Variants in FAT2 observed in about 807,000 individuals in gnomAD.
The protein encoded by FAT2 is protocadherin Fat 2.
A neutral mutation model predicts 295.3 loss-of-function variants in FAT2; 150 were observed. The ratio of observed to expected loss-of-function variants is 0.51; its 90% CI spans 0.44 to 0.58. FAT2 has a LOEUF of 0.58. Ranked by LOEUF, FAT2 falls within the 20% of genes least tolerant of loss-of-function variation. The probability of loss-of-function intolerance (pLI) is 0.00; values close to 1 mark genes in which losing one functional copy is unlikely to be tolerated. For missense variants in FAT2, 4,868 were observed against 5,442.7 expected, an observed-to-expected ratio of 0.89 and a Z score of 3.32; for synonymous variants, 2,026 against 2,150.3, an observed-to-expected ratio of 0.94 and a Z score of 1.60.
At position 151,568,933 on chromosome 5, in the gene FAT2, G is replaced by T; in HGVS notation, c.-2C>A. Reference sequence around the variant, plus strand: ...AAAACCCAGCAGGGCAATAGTCATGGTGGAAAACTCCCGAAACCCTGGGCA... The same window carrying T: ...AAAACCCAGCAGGGCAATAGTCATGTTGGAAAACTCCCGAAACCCTGGGCA... On this transcript the variant is annotated 5_prime_UTR_variant, in exon 2 of 24. Transcript: ENST00000261800. The T allele has an allele frequency of 1.9e-6, 3 of 1,589,516 alleles. No individual in the cohort carries two copies. Among genetic ancestry groups the T allele is most frequent in the Non-Finnish European group, 2.6e-6 (3 of 1,168,572 alleles).
chr5:151,510,988 A>G (rs1761276263), intron 21 of FAT2: 1 of 152,354 alleles, frequency 6.6e-6, no homozygotes, highest in East Asian at 1.9e-4. Flanking sequence ...TCCTAGCAGC[A>G]TGGCGGCCAC....
At chr5:151,518,450 A>G (rs926615667) in intron 19 of FAT2, among the ~76,000 whole-genome samples, 2 of 152,060 alleles carry the variant, frequency 1.3e-5, no homozygotes, top group Non-Finnish European at 2.9e-5. Context: ...TTTATTCTAC[A>G]TAGTTTCCAT....
intron 2 of FAT2, among the ~76,000 whole-genome samples, chr5:151,563,874 G>A (rs957623785): frequency 6.6e-6 from 1 of 152,178 alleles, no homozygotes; most frequent in Admixed American, 6.5e-5. Flanking sequence ...TAAAATGGAC[G>A]CATGCCTTTA....
At chr5:151,510,306 C>A in intron 21 of FAT2, 132 bp from the exon 22 acceptor site, 1 of 1,058,246 alleles carries the variant, frequency 9.4e-7, no homozygotes, top group Non-Finnish European at 1.4e-6. Context: ...CCTCTGTGCC[C>A]AATACCGTGC....
rs2127608671 is a variant in FAT2, at chr5:151,543,943, C to T, written c.7184G>A (p.Gly2395Glu). ...AGCCTGGACTTTAAGAACCAGGTGT[C>T]CACAGGTTGCCAGTTCACTGACATT... ...EANVSELATC[G>E]HLVLKVQAID... The change falls in exon 10 of 24, where the codon GGA becomes GAA. Residue 2395 changes from glycine to glutamate, a missense_variant. Gly to Glu is a moderately conservative substitution (Grantham distance 98). Transcript: ENST00000261800. 1 of 1,614,116 alleles carries T rather than the reference C, an allele frequency of 6.2e-7. No individual in the cohort carries two copies. The highest frequency in any genetic ancestry group is 8.5e-7 in the Non-Finnish European group (1 of 1,180,016).
chr5:151,525,582 C>T (rs1036019163), intron 18 of FAT2, among the ~76,000 whole-genome samples, 186 bp downstream of exon 18: 2 of 152,180 alleles, frequency 1.3e-5, no homozygotes, highest in Non-Finnish European at 1.5e-5. Context: ...ATCTGTAAAG[C>T]GGGGTGGTAA....
chr5:151,591,130 C>A (rs774269040), intron 1 of FAT2, among the ~76,000 whole-genome samples, 35 bp downstream of exon 1: 1 of 152,248 alleles, frequency 6.6e-6, no homozygotes, highest in Non-Finnish European at 1.5e-5. Context: ...TTGCTGCCCC[C>A]CTCCCGCATC....
chr5:151,534,680 G>A, intron 12 of FAT2, 38 bp from the exon 13 acceptor site: 3 of 1,564,640 alleles, frequency 1.9e-6, no homozygotes, highest in Non-Finnish European at 2.6e-6. Context: ...CTTTCTCTGG[G>A]GAAATATTAC....
chr5:151,570,843 G>T (rs1758493600), intron 1 of FAT2, among the ~76,000 whole-genome samples: 1 of 152,206 alleles, frequency 6.6e-6, no homozygotes, highest in Admixed American at 6.5e-5. Flanking sequence ...TCTTGCCAGA[G>T]TCCTGTGTGA....
intron 1 of FAT2, among the ~76,000 whole-genome samples, chr5:151,570,576 G>A (rs1421935713): frequency 6.6e-6 from 1 of 152,358 alleles, no homozygotes; most frequent in East Asian, 1.9e-4. Flanking sequence ...AGACTCACCA[G>A]GGCCAAGGAT....
chr5:151,585,906 T>C (rs975700197), intron 1 of FAT2, among the ~76,000 whole-genome samples: 4 of 152,178 alleles, frequency 2.6e-5, no homozygotes, highest in African/African-American at 9.7e-5. Context: ...TCAGCAGCTC[T>C]GTGTGATAGG....
At chr5:151,588,677 T>G (rs150954214) in intron 1 of FAT2, among the ~76,000 whole-genome samples, 57 of 152,300 alleles carry the variant, frequency 3.7e-4, no homozygotes, top group Non-Finnish European at 6.6e-4. Flanking sequence ...CTTATCTTAG[T>G]AGGAGAGCCA....
chr5:151,543,674 G>C lies in FAT2; in HGVS notation c.7453C>G (p.Leu2485Val), dbSNP rs370519297. 4 of 1,614,056 alleles carry C rather than the reference G, an allele frequency of 2.5e-6. No individual in the cohort carries two copies. In the African/African-American group the frequency reaches 4.0e-5, roughly 16 times the overall value. Reference sequence around the variant, plus strand: ...TTCTCTGCTAATTCTGCCTCATAAAGGTGCTGCTGGAACTCTGGGCTGTAC... The same window carrying C: ...TTCTCTGCTAATTCTGCCTCATAAACGTGCTGCTGGAACTCTGGGCTGTAC... ...NKYSPEFQQHLYEAELAENAM... is the reference protein window; with the variant it reads ...NKYSPEFQQHVYEAELAENAM... Residue 2485 changes from leucine to valine, a missense_variant, in exon 10 of 24, where the codon CTT (leucine) becomes GTT (valine). Coordinates refer to ENST00000261800, the MANE Select transcript of FAT2 (RefSeq NM_001447.3).
upstream of FAT2, among the ~76,000 whole-genome samples, chr5:151,591,472 A>G (rs1374587836): frequency 6.6e-6 from 1 of 152,198 alleles, no homozygotes; most frequent in Non-Finnish European, 1.5e-5. Context: ...TGGGGAATCA[A>G]GTCATGGAAA....
chr5:151,517,429 C>T (rs558021280), intron 20 of FAT2, among the ~76,000 whole-genome samples, 191 bp downstream of exon 20: 84 of 152,360 alleles, frequency 5.5e-4, no homozygotes, highest in African/African-American at 1.9e-3. Context: ...GGACGTATAT[C>T]TCCAGGTTGG....
rs147733173 is a variant in FAT2 at position 151,565,875 on chromosome 5, G to A, written c.3057C>T (p.Ile1019=). The change falls in exon 2 of 24, where the codon ATC becomes ATT. Residue 1019 remains isoleucine (I), a synonymous_variant. Transcript: ENST00000261800. ...ARRTLCHVEV[I]VLDVNENLHP... The stretch of plus-strand genomic sequence containing the variant: ...GGAGATTCTCATTCACATCCAGGAC[G>A]ATCACCTCCACATGGCAGAGAGTCC... 3.8e-5 allele frequency: 62 copies of A among 1,613,944 alleles called. No individual in the cohort carries two copies. Among genetic ancestry groups the A allele is most frequent in the Middle Eastern group, 3.3e-4 (2 of 6,062 alleles).
At position 151,531,576 on chromosome 5, in the gene FAT2, C is replaced by G. The variant is rs760347996; in HGVS notation, c.9811+11G>C. 1.9e-6 allele frequency: 3 copies of G among 1,611,706 alleles called. No homozygotes were observed. Among genetic ancestry groups the G allele is most frequent in the Non-Finnish European group, 2.5e-6 (3 of 1,179,758 alleles). ...CGCGATGCTTTGGGGCTTGGTGGAT[C>G]AGGCTCTCACCTGTGCGAGCATCCA... is the stretch of plus-strand genomic sequence containing the variant. On this transcript the variant is annotated intron_variant, in intron 14 of 23. Coordinates refer to ENST00000261800, the MANE Select transcript of FAT2 (RefSeq NM_001447.3). The surrounding 1 kb of genome is among the most constrained non-coding windows in gnomAD (Gnocchi z 5.7).
Position 151,504,446 on chromosome 5 carries a change from A to T in FAT2, c.*1119T>A, listed in dbSNP as rs1251872981. On this transcript the variant is annotated 3_prime_UTR_variant, in exon 24 of 24. Coordinates refer to ENST00000261800, the MANE Select transcript of FAT2 (RefSeq NM_001447.3). ...ACACGTACTATCCATGGGCACCCACATGTGTAGACATGTGCCCACATTGAC... is the reference window on the plus strand; with the variant it reads ...ACACGTACTATCCATGGGCACCCACTTGTGTAGACATGTGCCCACATTGAC... 1 of 152,662 alleles carries T rather than the reference A, an allele frequency of 6.6e-6. No individual in the cohort carries two copies. Among genetic ancestry groups the T allele is most frequent in the Non-Finnish European group, 1.5e-5 (1 of 68,054 alleles). 9.5% of individuals were successfully genotyped at this position (152,662 alleles called of 1,614,324 possible). A position where few individuals can be genotyped will look rare whatever the true frequency, so the allele number is the denominator to read the frequency against.
At chr5:151,525,652 G>A in intron 18 of FAT2, 116 bp downstream of exon 18, 5 of 1,139,022 alleles carry the variant, frequency 4.4e-6, no homozygotes, top group Non-Finnish European at 6.4e-6. Context: ...CCCAGTGCCT[G>A]ATGCATCCTA....
Sources: gnomAD v4.1 joint callset for allele counts (sites outside exome capture counted in the v4.1 genomes callset) on GRCh38, gnomAD v4.1.1 for gene constraint, Gnocchi (gnomAD v3.1) non-coding constraint, MANE v1.5 for transcripts, NCBI Gene and HGNC (gene_info 2026-07-23, HGNC 2026-07-21) for gene names.